The following ZNF420 variants were observed in gnomAD, a reference collection of about 807,000 sequenced individuals.
ZNF420 encodes zinc finger protein 420, also known as ATM and p53-associated KZNF protein.
A neutral mutation model predicts 44.7 loss-of-function variants in ZNF420; 31 were observed. That is an observed-to-expected ratio of 0.69 (90% CI 0.52 to 0.94). ZNF420 has a LOEUF of 0.94. ZNF420 is among the 40% of genes least tolerant of loss of function. The pLI, the probability that ZNF420 is intolerant of heterozygous loss-of-function variation, is 0.00. For missense variants in ZNF420, 681 were observed against 827.9 expected (o/e 0.82, Z 2.18); for synonymous variants, 245 against 267.4 (o/e 0.92, Z 0.82).
chr19:37,051,301 G>C (rs74856329), intron 1 of ZNF420, among the ~76,000 whole-genome samples: 24,483 of 152,106 alleles, frequency 0.16, 2,093 homozygotes, highest in African/African-American at 0.23. Context: ...AATGGTACCA[G>C]CTCCTCCTTG....
chr19:37,127,804 A>G lies in ZNF420; in HGVS notation c.813A>G (p.Arg271=). 6.2e-7 allele frequency: 1 copy of G among 1,613,852 alleles called. No individual in the cohort carries two copies. Among genetic ancestry groups the G allele is most frequent in the Non-Finnish European group, 8.5e-7 (1 of 1,179,898 alleles). Residue 271 remains arginine (R), a synonymous_variant, in exon 5 of 5, where the codon AGA becomes AGG. Coordinates refer to ENST00000337995, the MANE Select transcript of ZNF420 (RefSeq NM_144689.5). Reference sequence around the variant, plus strand: ...ATTCACAACTTACACTACACCAGAGACTTCATACTGGTGAAAAGCTCTATG... The same window carrying G: ...ATTCACAACTTACACTACACCAGAGGCTTCATACTGGTGAAAAGCTCTATG... The part of the protein sequence containing the change: ...TQNSQLTLHQ[R]LHTGEKLYEC...
In ZNF420 at chr19:37,129,126, A is replaced by C; in HGVS notation, c.*68A>C. 6.5e-7 allele frequency: 1 copy of C among 1,536,000 alleles called. No homozygotes were observed. The highest frequency in any genetic ancestry group is 8.8e-7 in the Non-Finnish European group (1 of 1,138,684). On this transcript the variant is annotated 3_prime_UTR_variant, in exon 5 of 5. Coordinates refer to ENST00000337995, the MANE Select transcript of ZNF420 (RefSeq NM_144689.5). ...TGTTAGCAGCAAAGAATTCTCACAA[A>C]TGTGAATATGGGCGCACATTTGCCT...
intron 4 of ZNF420, 146 bp downstream of exon 4, chr19:37,091,267 GT>G: frequency 1.3e-6 from 1 of 775,752 alleles, no homozygotes; most frequent in East Asian, 3.2e-5. Flanking sequence ...AGTAGACATG[GT>G]TTCTCAGGGC....
intron 1 of ZNF420, among the ~76,000 whole-genome samples, chr19:37,011,731 G>A (rs2074570640): frequency 6.6e-6 from 1 of 152,140 alleles, no homozygotes; most frequent in Non-Finnish European, 1.5e-5. Context: ...GGACACCATT[G>A]TTCGTCTCGC....
intron 4 of ZNF420, among the ~76,000 whole-genome samples, chr19:37,113,235 G>C (rs1488194728): frequency 1.3e-5 from 2 of 152,148 alleles, no homozygotes; most frequent in African/African-American, 4.8e-5. Context: ...CTCTTTATCT[G>C]TTCTTGTAGT....
chr19:37,018,898 A>G (rs987413889), intron 1 of ZNF420, among the ~76,000 whole-genome samples: 2 of 152,202 alleles, frequency 1.3e-5, no homozygotes, highest in African/African-American at 4.8e-5. Context: ...CCATATACAA[A>G]ATTAGCTTAA....
rs760989005 is a variant in ZNF420 at position 37,127,960 on chromosome 19, T to C, written c.969T>C (p.Ser323=). ...GKAFICGSQL[S]QHQKIHNGEK... ...CTTTTATTTGTGGCTCACAGCTTTC[T>C]CAACATCAGAAAATTCATAATGGGG... is the stretch of plus-strand genomic sequence containing the variant. The change falls in exon 5 of 5, where the codon TCT becomes TCC. Residue 323 remains serine, a synonymous_variant. Coordinates refer to ENST00000337995, the MANE Select transcript of ZNF420 (RefSeq NM_144689.5). 6.2e-7 allele frequency: 1 copy of C among 1,613,958 alleles called. No individual in the cohort carries two copies. The highest frequency in any genetic ancestry group is 1.1e-5 in the South Asian group (1 of 91,066).
intron 4 of ZNF420, among the ~76,000 whole-genome samples, chr19:37,101,043 TCA>T (rs1234329496): frequency 6.6e-6 from 1 of 151,872 alleles, no homozygotes; most frequent in African/African-American, 2.4e-5. Flanking sequence ...GATTTCCTTT[TCA>T]CAGTTTCCTG....
chr19:37,075,174 A>C (rs1048841898), upstream of ZNF420: 4 of 152,216 alleles, frequency 2.6e-5, no homozygotes, highest in Non-Finnish European at 5.9e-5. Context: ...GAGATAACTA[A>C]TCCTTAAAGG....
intron 4 of ZNF420, chr19:37,109,586 C>G (rs1970273903): frequency 6.6e-6 from 1 of 152,184 alleles, no homozygotes; most frequent in Non-Finnish European, 1.5e-5. Context: ...GTTGATGGTG[C>G]TTGATTGCAG....
chr19:37,114,111 T>TTC (rs752705421), intron 4 of ZNF420, among the ~76,000 whole-genome samples: 2 of 152,158 alleles, frequency 1.3e-5, no homozygotes, highest in Non-Finnish European at 2.9e-5. Flanking sequence ...GTGGTATCGG[T>TTC]TCTAATATTA....
chr19:37,127,896 C>G lies in ZNF420; in HGVS notation c.905C>G (p.Thr302Ser). The G allele has an allele frequency of 1.9e-6, 3 of 1,614,020 alleles. No individual in the cohort carries two copies. The African/African-American group carries it at 4.0e-5, about 22-fold the overall frequency. ...CTTATTCTGCATAAGAGAATTCATA[C>G]CGGTGAGAAACCCTATGAATGTAAG... ...SQLILHKRIH[T>S]GEKPYECKEC... The change falls in exon 5 of 5, where the codon ACC becomes AGC. Residue 302 changes from threonine to serine, a missense_variant. By Grantham distance (58) the Thr-to-Ser change is moderately conservative. Coordinates refer to ENST00000337995, the MANE Select transcript of ZNF420 (RefSeq NM_144689.5).
intron 1 of ZNF420, among the ~76,000 whole-genome samples, chr19:37,030,842 A>G (rs1347923703): frequency 6.6e-6 from 1 of 152,068 alleles, no homozygotes; most frequent in East Asian, 1.9e-4. Context: ...GCTGCACCCT[A>G]GTTTAATAAG....
chr19:37,089,163 T>C, intron 3 of ZNF420, 36 bp downstream of exon 3: 1 of 1,586,204 alleles, frequency 6.3e-7, no homozygotes, highest in Admixed American at 1.7e-5. Context: ...TTTCACTTAC[T>C]TTTTTACAGA....
At chr19:37,009,293 A>G (rs1341708968) in intron 1 of ZNF420, among the ~76,000 whole-genome samples, 1 of 152,082 alleles carries the variant, frequency 6.6e-6, no homozygotes, top group African/African-American at 2.4e-5. Context: ...AGTGATCTTT[A>G]CAGAAACCTC....
intron 1 of ZNF420, among the ~76,000 whole-genome samples, chr19:37,038,160 G>A (rs531949029): frequency 6.6e-6 from 1 of 152,080 alleles, no homozygotes; most frequent in African/African-American, 2.4e-5. Context: ...TTACACTATT[G>A]TAGTCAATTA....
chr19:37,021,821 C>T (rs1255066085), intron 1 of ZNF420, among the ~76,000 whole-genome samples: 1 of 150,818 alleles, frequency 6.6e-6, no homozygotes, highest in African/African-American at 2.4e-5. Context: ...CCTGTAGTCC[C>T]AGCTACTCGG....
intron 1 of ZNF420, among the ~76,000 whole-genome samples, chr19:37,027,911 T>G (rs1405476806): frequency 2.0e-5 from 3 of 152,226 alleles, no homozygotes; most frequent in African/African-American, 7.2e-5. Context: ...TTTGAGTGGA[T>G]CTAAGTTTTC....
intron 4 of ZNF420, among the ~76,000 whole-genome samples, chr19:37,121,942 T>A (rs2145307112): frequency 6.6e-6 from 1 of 152,244 alleles, no homozygotes; most frequent in African/African-American, 2.4e-5. Flanking sequence ...AGAATGGCAA[T>A]CATTAAAAAG....
Sources: gnomAD v4.1 joint callset for allele counts (sites outside exome capture counted in the v4.1 genomes callset) on GRCh38, gnomAD v4.1.1 for gene constraint, MANE v1.5 for transcripts, NCBI Gene and HGNC (gene_info 2026-07-23, HGNC 2026-07-21) for gene names.